SGSM1: variants seen among roughly 807,000 people sequenced by gnomAD.
SGSM1 encodes small G protein signaling modulator 1.
SGSM1 carries 73 observed loss-of-function variants against 133.8 expected under a neutral mutation model. That is an observed-to-expected ratio of 0.55 (90% CI 0.45 to 0.66). The LOEUF (loss-of-function observed/expected upper bound fraction) is 0.66, where lower values mean the gene tolerates loss of function less well. SGSM1 is among the 30% of genes least tolerant of loss of function. The probability of loss-of-function intolerance (pLI) is 0.00; values close to 1 mark genes in which losing one functional copy is unlikely to be tolerated. For missense variants in SGSM1, 1,213 were observed against 1,448.1 expected (o/e 0.84, Z 2.64); for synonymous variants, 563 against 573.0 (o/e 0.98, Z 0.25).
chr22:24,912,626 C>A lies in SGSM1; in HGVS notation c.2819-17C>A. 2 of 1,576,382 alleles carry A rather than the reference C, an allele frequency of 1.3e-6. No homozygotes were observed. Among genetic ancestry groups the A allele is most frequent in the Non-Finnish European group, 8.7e-7 (1 of 1,149,812 alleles). ...TTGGGCAGCGGGGCATCTGACTGTT[C>A]TGTGATGCTTTCTCAGAGGCCCTTG... On this transcript the variant is annotated splice_polypyrimidine_tract_variant and intron_variant, in intron 21 of 24. Transcript: ENST00000400358.
chr22:24,830,138 T>C (rs1244551527), intron 2 of SGSM1, among the ~76,000 whole-genome samples: 1 of 152,192 alleles, frequency 6.6e-6, no homozygotes, highest in African/African-American at 2.4e-5. Context: ...TTACCCTCCT[T>C]GCTAATTAAC....
chr22:24,923,930 C>T lies in SGSM1; in HGVS notation c.3194-256C>T, dbSNP rs143107641. On this transcript the variant is annotated intron_variant, in intron 24 of 24. Coordinates refer to ENST00000400358, the MANE Select transcript of SGSM1 (RefSeq NM_001098497.3). ...AGCCACCATGCCCGGCCGACCTCAC[C>T]TTTTTATGGCACATCCTGTGAACCA... Among the ~76,000 whole-genome samples, 1,308 of 152,248 alleles carry T rather than the reference C, an allele frequency of 8.6e-3. 7 individuals are homozygous for T. The highest frequency in any genetic ancestry group is 0.014 in the Non-Finnish European group (962 of 67,996).
At chr22:24,896,293 T>G (rs1932911471) in intron 18 of SGSM1, among the ~76,000 whole-genome samples, 1 of 152,144 alleles carries the variant, frequency 6.6e-6, no homozygotes, top group Non-Finnish European at 1.5e-5. Flanking sequence ...ACTCTGGTTT[T>G]GACTCTGAAG....
At chr22:24,823,727 G>A (rs1328678976) in intron 2 of SGSM1, among the ~76,000 whole-genome samples, 5 of 152,020 alleles carry the variant, frequency 3.3e-5, no homozygotes, top group African/African-American at 1.2e-4. Context: ...GAGGCCAGGA[G>A]TTGAAGACCA....
At chr22:24,828,979 G>T (rs1375435760) in intron 2 of SGSM1, among the ~76,000 whole-genome samples, 1 of 152,118 alleles carries the variant, frequency 6.6e-6, no homozygotes, top group Non-Finnish European at 1.5e-5. Flanking sequence ...GGAACATGAG[G>T]CTAGGAGATC....
At chr22:24,883,790 C>CT (rs2123670753) in intron 14 of SGSM1, among the ~76,000 whole-genome samples, 1 of 152,206 alleles carries the variant, frequency 6.6e-6, no homozygotes, top group South Asian at 2.1e-4. Flanking sequence ...AACCTCGTCT[C>CT]TACAAAAAAT....
At chr22:24,856,453 C>A (rs948169680) in intron 8 of SGSM1, among the ~76,000 whole-genome samples, 1 of 152,198 alleles carries the variant, frequency 6.6e-6, no homozygotes, top group South Asian at 2.1e-4. Context: ...CCTTCTCTGC[C>A]CCATCACATG....
intron 21 of SGSM1, among the ~76,000 whole-genome samples, chr22:24,911,850 C>T (rs925590998): frequency 3.3e-5 from 5 of 152,152 alleles, no homozygotes; most frequent in African/African-American, 4.8e-5. Flanking sequence ...GTCAGGAGAT[C>T]GAGACCATTC....
At chr22:24,845,008 T>C (rs1930015790) in intron 3 of SGSM1, 36 bp downstream of exon 3, 1 of 1,600,394 alleles carries the variant, frequency 6.2e-7, no homozygotes, top group Admixed American at 1.7e-5. Flanking sequence ...CTTCTTTCTC[T>C]GTGGGCTGCC....
chr22:24,889,052 C>T (rs139725), intron 16 of SGSM1, among the ~76,000 whole-genome samples: 15 of 150,032 alleles, frequency 1.0e-4, no homozygotes, highest in Non-Finnish European at 2.1e-4. Context: ...ACCTCCACCT[C>T]CCAGGTTCAA....
At chr22:24,909,493 T>C (rs1002856466) in intron 21 of SGSM1, among the ~76,000 whole-genome samples, 4 of 152,066 alleles carry the variant, frequency 2.6e-5, no homozygotes, top group African/African-American at 9.7e-5. Context: ...TCTCATCCTG[T>C]CACCCAGGCT....
chr22:24,898,981 C>T (rs983089066), intron 19 of SGSM1, among the ~76,000 whole-genome samples: 4 of 129,686 alleles, frequency 3.1e-5, no homozygotes, highest in East Asian at 2.5e-4. Context: ...GAGCCGAGAT[C>T]GCACCACTGC....
At chr22:24,842,381 G>C (rs936220351) in intron 2 of SGSM1, among the ~76,000 whole-genome samples, 1 of 152,070 alleles carries the variant, frequency 6.6e-6, no homozygotes, top group Non-Finnish European at 1.5e-5. Flanking sequence ...GACAAATAGG[G>C]ATAATAATGT....
rs1491221125 is a variant in SGSM1 at position 24,837,579 on chromosome 22, C to CA, written c.64-7318_64-7317insA. 2.4e-4 allele frequency among the ~76,000 whole-genome samples: 9 copies of CA among 36,814 alleles called. 2 individuals carry two copies. Among genetic ancestry groups the CA allele is most frequent in the African/African-American group, 7.1e-4 (3 of 4,226 alleles). 24.2% of individuals were successfully genotyped at this position (36,814 alleles called of 152,430 possible). ...CTAAACTCCCCCGGGGAAAGGGAGA[C>CA]CCCCCCCCCCCCTTTCCCAGTCTGC... On this transcript the variant is annotated intron_variant, in intron 2 of 24. Coordinates refer to ENST00000400358, the MANE Select transcript of SGSM1 (RefSeq NM_001098497.3).
chr22:24,894,996 G>C (rs1314564099), intron 17 of SGSM1, among the ~76,000 whole-genome samples: 1 of 152,222 alleles, frequency 6.6e-6, no homozygotes, highest in Non-Finnish European at 1.5e-5. Context: ...GCAGAGGTGA[G>C]AGGTGGGAAC....
intron 2 of SGSM1, among the ~76,000 whole-genome samples, chr22:24,837,245 C>T (rs1929485361): frequency 6.6e-6 from 1 of 152,196 alleles, no homozygotes; most frequent in South Asian, 2.1e-4. Context: ...GGTAAGGTCA[C>T]GTGGGTCACA....
intron 2 of SGSM1, among the ~76,000 whole-genome samples, chr22:24,837,236 G>A (rs1176029324): frequency 6.6e-6 from 1 of 152,218 alleles, no homozygotes; most frequent in Non-Finnish European, 1.5e-5. Context: ...CCAATGATAG[G>A]TAAGGTCACG....
intron 16 of SGSM1, among the ~76,000 whole-genome samples, chr22:24,888,346 GTT>G (rs892945746): frequency 6.6e-6 from 1 of 151,264 alleles, no homozygotes; most frequent in Non-Finnish European, 1.5e-5. Context: ...AATCTTTTGA[GTT>G]TTTTTTTCTT....
rs923221304 is a variant in SGSM1, at chr22:24,886,476, G to T, written c.1642-124G>T. The T allele has an allele frequency of 6.2e-6, 8 of 1,281,462 alleles. No individual in the cohort carries two copies. In the East Asian group the frequency reaches 1.3e-4, roughly 21 times the overall value. The allele number at this position is 1,281,462 out of a possible 1,614,324, so 79.4% of individuals were successfully genotyped here. A position where few individuals can be genotyped will look rare whatever the true frequency, so the allele number is the denominator to read the frequency against. ...CCCAGCACTTTGGGAGGCCAAGGCG[G>T]GCAGATCACTGAAGGTCAGGAGTTC... On this transcript the variant is annotated intron_variant, in intron 15 of 24. Coordinates refer to ENST00000400358, the MANE Select transcript of SGSM1 (RefSeq NM_001098497.3).
Sources: allele counts gnomAD v4.1 joint callset (sites outside exome capture counted in the v4.1 genomes callset), GRCh38; gene constraint gnomAD v4.1.1; transcripts MANE v1.5; gene names NCBI Gene and HGNC (gene_info 2026-07-23, HGNC 2026-07-21).